Variants in ALG14 observed in about 807,000 individuals in gnomAD.
ALG14 encodes ALG14 UDP-N-acetylglucosaminyltransferase subunit, also known as UDP-N-acetylglucosamine transferase subunit ALG14.
ALG14 carries 17 observed loss-of-function variants against 22.8 expected under a neutral mutation model. The ratio of observed to expected loss-of-function variants is 0.75; its 90% CI spans 0.51 to 1.12. The LOEUF is 1.12. Ranked by LOEUF, ALG14 falls within the 50% of genes most tolerant of loss-of-function variation. The pLI, the probability that ALG14 is intolerant of heterozygous loss-of-function variation, is 0.00. For missense variants in ALG14, 288 were observed against 271.8 expected (o/e 1.06, Z -0.42); for synonymous variants, 89 against 103.7 (o/e 0.86, Z 0.86).
chr1:95,024,212 C>A (rs1457757481), intron 3 of ALG14, among the ~76,000 whole-genome samples: 9 of 152,074 alleles, frequency 5.9e-5, no homozygotes, highest in Admixed American at 5.2e-4. Flanking sequence ...CTCCTGACCT[C>A]GTGATCCGCC....
At chr1:95,069,008 C>T (rs982379965) in intron 1 of ALG14, among the ~76,000 whole-genome samples, 1 of 152,200 alleles carries the variant, frequency 6.6e-6, no homozygotes, top group African/African-American at 2.4e-5. Flanking sequence ...TTTTCTCCAG[C>T]CCCACACCTA....
At chr1:95,072,703 G>A (rs1675609415) in intron 1 of ALG14, 60 bp downstream of exon 1, 1 of 1,589,470 alleles carries the variant, frequency 6.3e-7, no homozygotes, top group Admixed American at 1.7e-5. Context: ...GAGCGTCGCG[G>A]TGCACTCTGG....
In ALG14 at chr1:95,019,222, T is replaced by G. The variant is rs558493273; in HGVS notation, c.420+7907A>C. 1.9e-3 allele frequency among the ~76,000 whole-genome samples: 293 copies of G among 152,352 alleles called. 1 individual carries two copies. The highest frequency in any genetic ancestry group is 6.8e-3 in the African/African-American group (283 of 41,586). Reference sequence around the variant, plus strand: ...CACTTTTTATGGCAGAATATGGAAGTTTTGACATTGCAAACACGTGAAACT... The same window carrying G: ...CACTTTTTATGGCAGAATATGGAAGGTTTGACATTGCAAACACGTGAAACT... On this transcript the variant is annotated intron_variant, in intron 3 of 3. Transcript: ENST00000370205.
In ALG14 at chr1:94,978,451, A is replaced by C. The variant is rs1672437393; in HGVS notation, c.*4625T>G. The C allele has an allele frequency of 6.6e-6, 1 of 152,238 alleles. No individual in the cohort carries two copies. The highest frequency in any genetic ancestry group is 2.4e-5 in the African/African-American group (1 of 41,460). 9.4% of individuals were successfully genotyped at this position (152,238 alleles called of 1,614,324 possible). Reference sequence around the variant, plus strand: ...AGTGGAACAAGGATACAAAACTAGAATGAGGTACAGTCCCTGAAGACAAAC... The same window carrying C: ...AGTGGAACAAGGATACAAAACTAGACTGAGGTACAGTCCCTGAAGACAAAC... On this transcript the variant is annotated 3_prime_UTR_variant, in exon 4 of 4. Coordinates refer to ENST00000370205, the MANE Select transcript of ALG14 (RefSeq NM_144988.4).
chr1:95,035,875 G>C (rs982545707), intron 2 of ALG14: 1 of 152,132 alleles, frequency 6.6e-6, no homozygotes, highest in Non-Finnish European at 1.5e-5. Context: ...CCACACGACT[G>C]AAAAGTCCTG....
chr1:95,064,599 G>C (rs1025810433), intron 2 of ALG14, among the ~76,000 whole-genome samples: 1 of 152,022 alleles, frequency 6.6e-6, no homozygotes, highest in Non-Finnish European at 1.5e-5. Flanking sequence ...ATTTGCGTAT[G>C]TTGAATCAAC....
intron 3 of ALG14, 123 bp downstream of exon 3, chr1:95,027,006 G>C: frequency 8.1e-7 from 1 of 1,238,236 alleles, no homozygotes; most frequent in Non-Finnish European, 1.1e-6. Flanking sequence ...AGCCAGTTCA[G>C]GGTCTTGCAT....
intron 1 of ALG14, 131 bp from the exon 2 acceptor site, chr1:95,065,148 C>T (rs1675313674): frequency 1.4e-6 from 1 of 733,052 alleles, no homozygotes; most frequent in Non-Finnish European, 2.1e-6. Flanking sequence ...TCTCAGAAGA[C>T]ACAAGGAACA....
intron 3 of ALG14, among the ~76,000 whole-genome samples, chr1:94,990,579 A>G (rs1672746791): frequency 6.6e-6 from 1 of 152,228 alleles, no homozygotes. Flanking sequence ...GTATACAACT[A>G]CATCCATTCC....
At chr1:95,046,402 CA>C (rs1674557657) in intron 2 of ALG14, among the ~76,000 whole-genome samples, 1 of 152,190 alleles carries the variant, frequency 6.6e-6, no homozygotes, top group African/African-American at 2.4e-5. Flanking sequence ...ACTGTGCATG[CA>C]AGGGATCTAG....
intron 3 of ALG14, among the ~76,000 whole-genome samples, chr1:95,022,805 G>A (rs1377275189): frequency 6.6e-6 from 1 of 152,132 alleles, no homozygotes; most frequent in African/African-American, 2.4e-5. Context: ...GTCTAGCCAA[G>A]TTTCCTTTGA....
chr1:95,021,284 C>G (rs1482595052), intron 3 of ALG14, among the ~76,000 whole-genome samples: 1 of 152,188 alleles, frequency 6.6e-6, no homozygotes, highest in African/African-American at 2.4e-5. Context: ...GCCCCACGCT[C>G]TAGAATAGGT....
chr1:95,058,616 T>TAAAA (rs61435505), intron 2 of ALG14, among the ~76,000 whole-genome samples: 1 of 99,310 alleles, frequency 1.0e-5, no homozygotes, highest in Non-Finnish European at 2.0e-5. Flanking sequence ...GATTCATTCT[T>TAAAA]AAAAAAAAAA....
chr1:95,004,122 T>C (rs1457690075), intron 3 of ALG14, among the ~76,000 whole-genome samples: 1 of 152,154 alleles, frequency 6.6e-6, no homozygotes, highest in Non-Finnish European at 1.5e-5. Context: ...ACCTGGGGCT[T>C]TGAAAGATTA....
chr1:95,042,305 TACAC>T (rs34055488), intron 2 of ALG14, among the ~76,000 whole-genome samples: 2,525 of 150,186 alleles, frequency 0.017, 67 homozygotes, highest in African/African-American at 0.058. Context: ...GATTTAAACA[TACAC>T]ACACACACAC....
At chr1:95,053,150 G>A (rs1249079756) in intron 2 of ALG14, among the ~76,000 whole-genome samples, 1 of 151,894 alleles carries the variant, frequency 6.6e-6, no homozygotes, top group Non-Finnish European at 1.5e-5. Flanking sequence ...ATTTATAAAA[G>A]ACACATAAAA....
chr1:95,056,108 G>A (rs1169499712), intron 2 of ALG14, among the ~76,000 whole-genome samples: 1 of 151,810 alleles, frequency 6.6e-6, no homozygotes, highest in East Asian at 1.9e-4. Context: ...AAACAAACCA[G>A]TTAACAGAAT....
intron 1 of ALG14, among the ~76,000 whole-genome samples, chr1:95,066,503 G>A (rs994667440): frequency 6.6e-6 from 1 of 152,102 alleles, no homozygotes; most frequent in Non-Finnish European, 1.5e-5. Flanking sequence ...GATTACAGGC[G>A]TGAGCCACCA....
At chr1:95,021,656 T>C (rs968384404) in intron 3 of ALG14, among the ~76,000 whole-genome samples, 2 of 152,174 alleles carry the variant, frequency 1.3e-5, no homozygotes, top group African/African-American at 4.8e-5. Flanking sequence ...GGACTGGTTC[T>C]AGGAATTATT....
Sources: allele counts gnomAD v4.1 joint callset (sites outside exome capture counted in the v4.1 genomes callset), GRCh38; gene constraint gnomAD v4.1.1; transcripts MANE v1.5; gene names NCBI Gene and HGNC (gene_info 2026-07-23, HGNC 2026-07-21).